DDAH1: variants seen among roughly 807,000 people sequenced by gnomAD.
DDAH1 encodes the protein N(G),N(G)-dimethylarginine dimethylaminohydrolase 1.
A neutral mutation model predicts 28.8 loss-of-function variants in DDAH1; 19 were observed. That is an observed-to-expected ratio of 0.66 (90% CI 0.46 to 0.97). DDAH1 has a LOEUF of 0.97. Ranked by LOEUF, DDAH1 falls within the 50% of genes least tolerant of loss-of-function variation. The pLI is 0.00. For missense variants in DDAH1, 326 were observed against 375.9 expected (o/e 0.87, Z 1.10); for synonymous variants, 153 against 154.4 (o/e 0.99, Z 0.07).
intron 1 of DDAH1, among the ~76,000 whole-genome samples, chr1:85,519,175 G>C (rs1214538791): frequency 1.5e-5 from 2 of 136,274 alleles, no homozygotes; most frequent in East Asian, 2.3e-4. Context: ...CTCACTGCAA[G>C]CTCCACCTCC....
chr1:85,361,280 G>C (rs943952152), intron 1 of DDAH1, among the ~76,000 whole-genome samples: 1 of 152,176 alleles, frequency 6.6e-6, no homozygotes, highest in Non-Finnish European at 1.5e-5. Flanking sequence ...CTATAGAAGT[G>C]GGAGTTTTTG....
At chr1:85,567,596 T>C (rs1659340154) in intron 1 of DDAH1, among the ~76,000 whole-genome samples, 1 of 152,224 alleles carries the variant, frequency 6.6e-6, no homozygotes. Flanking sequence ...GGTATGTCTT[T>C]ATCAGCAGCG....
intron 1 of DDAH1, among the ~76,000 whole-genome samples, chr1:85,437,630 G>A (rs935130831): frequency 6.6e-6 from 1 of 152,158 alleles, no homozygotes; most frequent in African/African-American, 2.4e-5. Flanking sequence ...TGCACTTTAT[G>A]TTATTGGTAA....
chr1:85,338,120 C>T (rs1279245672), intron 4 of DDAH1, among the ~76,000 whole-genome samples: 1 of 152,168 alleles, frequency 6.6e-6, no homozygotes, highest in Non-Finnish European at 1.5e-5. Flanking sequence ...TAGTATCATA[C>T]CACAGGACTT....
intron 1 of DDAH1, among the ~76,000 whole-genome samples, chr1:85,440,841 T>C (rs1483175226): frequency 7.2e-6 from 1 of 139,700 alleles, no homozygotes; most frequent in Non-Finnish European, 1.6e-5. Flanking sequence ...AGCTCGGAAA[T>C]GTATTTCTTC....
intron 1 of DDAH1, among the ~76,000 whole-genome samples, chr1:85,519,432 G>A (rs1248111831): frequency 7.2e-5 from 11 of 152,154 alleles, no homozygotes; most frequent in Admixed American, 7.2e-4. Flanking sequence ...AGACTGAGAA[G>A]ATAAATACAG....
At chr1:85,407,344 T>C (rs1243331310) in intron 1 of DDAH1, among the ~76,000 whole-genome samples, 1 of 152,220 alleles carries the variant, frequency 6.6e-6, no homozygotes, top group Non-Finnish European at 1.5e-5. Flanking sequence ...GGATGATTCA[T>C]TGATTTAGCT....
At chr1:85,497,797 T>C (rs1372300313) in intron 1 of DDAH1, among the ~76,000 whole-genome samples, 1 of 152,208 alleles carries the variant, frequency 6.6e-6, no homozygotes, top group African/African-American at 2.4e-5. Context: ...CAATTTCTCA[T>C]GTTATATATT....
intron 1 of DDAH1, among the ~76,000 whole-genome samples, chr1:85,463,325 T>C (rs529582): frequency 0.69 from 105,105 of 152,120 alleles, 36,461 homozygotes; most frequent in East Asian, 0.81. Flanking sequence ...TGAGAAGAAA[T>C]TGGACTACTC....
chr1:85,513,548 G>A (rs201760176), intron 1 of DDAH1, among the ~76,000 whole-genome samples: 226 of 152,108 alleles, frequency 1.5e-3, no homozygotes, highest in African/African-American at 4.2e-3. Flanking sequence ...AGAAACTACC[G>A]TCAGAGTGAA....
chr1:85,554,199 A>G lies in DDAH1; in HGVS notation c.-123+23785T>C, dbSNP rs151037921. Among the ~76,000 whole-genome samples the G allele has an allele frequency of 5.8e-3, 877 of 151,246 alleles. 6 individuals carry two copies. Among genetic ancestry groups the G allele is most frequent in the African/African-American group, 0.02 (831 of 41,188 alleles). On this transcript the variant is annotated intron_variant, in intron 1 of 6. Transcript: ENST00000426972. ...AGATCTCTCACAGTGATTTAGATCT[A>G]TTCATGCCTGAAAGAGAGGCCAGCT...
Position 85,474,719 on chromosome 1 carries a change from C to A in DDAH1, c.-7+21447G>T, listed in dbSNP as rs141791472. 5.2e-3 allele frequency among the ~76,000 whole-genome samples: 785 copies of A among 152,258 alleles called. 4 individuals carry two copies. The highest frequency in any genetic ancestry group is 7.5e-3 in the Non-Finnish European group (507 of 68,014). ...CTCAATTCCGGTGTGTAGAGAATGG[C>A]TGAATTAAAGCAATAGATGGCATTC... On this transcript the variant is annotated intron_variant, in intron 2 of 6. Coordinates refer to the DDAH1 transcript ENST00000426972.
intron 1 of DDAH1, among the ~76,000 whole-genome samples, chr1:85,458,854 A>G (rs1655011588): frequency 6.6e-6 from 1 of 152,232 alleles, no homozygotes; most frequent in South Asian, 2.1e-4. Context: ...TTTCTCTCTT[A>G]TTAAGGTTTT....
rs767798766 is a variant in DDAH1, at chr1:85,351,539, T to A, written c.444A>T (p.Gln148His). ...TATCAGCCAAGATTTCAGCACCTCG[T>A]TGATTTGTCCTTTTGGAAAGGCCCA... ...FFVGLSKRTN[Q>H]RGAEILADTF... Residue 148 changes from glutamine (Q) to histidine (H), a missense_variant, in exon 3 of 6, where the codon CAA becomes CAT. Physicochemically the swap from Gln to His is conservative, Grantham distance 24. Transcript: ENST00000284031. The A allele has an allele frequency of 6.2e-7, 1 of 1,614,136 alleles. No individual in the cohort carries two copies.
intron 4 of DDAH1, among the ~76,000 whole-genome samples, chr1:85,339,343 A>C (rs1218825863): frequency 6.6e-6 from 1 of 152,190 alleles, no homozygotes; most frequent in Admixed American, 6.5e-5. Context: ...GGAAGAGATA[A>C]AGGGAATGGC....
chr1:85,458,448 T>A (rs113492828), intron 1 of DDAH1, among the ~76,000 whole-genome samples: 8,678 of 115,044 alleles, frequency 0.075, 268 homozygotes, highest in African/African-American at 0.11. Flanking sequence ...TTTTTTTTTT[T>A]AGACAGAGTC....
upstream of DDAH1, among the ~76,000 whole-genome samples, chr1:85,469,480 T>C (rs1655542045): frequency 6.6e-6 from 1 of 152,250 alleles, no homozygotes; most frequent in Non-Finnish European, 1.5e-5. Context: ...CATAGAGTTA[T>C]TATAAATGTT....
chr1:85,496,122 G>T, intron 2 of DDAH1: 1 of 467,768 alleles, frequency 2.1e-6, no homozygotes, highest in Non-Finnish European at 2.8e-6. Context: ...AATCAAATGT[G>T]TTTACTTTTA....
At chr1:85,353,070 C>T (rs1210044956) in intron 2 of DDAH1, among the ~76,000 whole-genome samples, 3 of 152,136 alleles carry the variant, frequency 2.0e-5, no homozygotes, top group Non-Finnish European at 4.4e-5. Context: ...GAAATCAAAA[C>T]ATCAAAAGAT....
Sources: allele counts gnomAD v4.1 joint callset (sites outside exome capture counted in the v4.1 genomes callset), GRCh38; gene constraint gnomAD v4.1.1; transcripts MANE v1.5; gene names NCBI Gene and HGNC (gene_info 2026-07-23, HGNC 2026-07-21).